STUM: variants seen among roughly 807,000 people sequenced by gnomAD.
The protein encoded by STUM is protein stum homolog.
STUM carries 8 observed loss-of-function variants against 15.3 expected under a neutral mutation model. The ratio of observed to expected loss-of-function variants is 0.52; its 90% CI spans 0.31 to 0.94. The LOEUF (loss-of-function observed/expected upper bound fraction) is 0.94. Ranked by LOEUF, STUM falls within the 40% of genes least tolerant of loss-of-function variation. The pLI is 0.05. For missense variants in STUM, 142 were observed against 204.9 expected (o/e 0.69, Z 1.87); for synonymous variants, 78 against 88.7 (o/e 0.88, Z 0.68).
At chr1:226,560,475 A>G (rs760992597) in intron 1 of STUM, among the ~76,000 whole-genome samples, 1 of 152,234 alleles carries the variant, frequency 6.6e-6, no homozygotes, top group Admixed American at 6.5e-5. Context: ...GATGATTGTC[A>G]TCTTCTATTT....
At chr1:226,573,532 C>G (rs1468274644) in intron 1 of STUM, among the ~76,000 whole-genome samples, 2 of 152,122 alleles carry the variant, frequency 1.3e-5, no homozygotes, top group Non-Finnish European at 2.9e-5. Flanking sequence ...GACTTCCATT[C>G]CTCTATATTG....
intron 1 of STUM, among the ~76,000 whole-genome samples, chr1:226,580,514 G>A (rs554860101): frequency 6.6e-6 from 1 of 152,126 alleles, no homozygotes; most frequent in South Asian, 2.1e-4. Context: ...GGAGGGCAGA[G>A]GGGGACAAGT....
intron 1 of STUM, among the ~76,000 whole-genome samples, chr1:226,569,102 G>C (rs1056042781): frequency 6.6e-6 from 1 of 151,450 alleles, no homozygotes; most frequent in Non-Finnish European, 1.5e-5. Flanking sequence ...TGGATCCAAC[G>C]GTATCACATG....
intron 1 of STUM, among the ~76,000 whole-genome samples, chr1:226,573,527 C>T (rs977810387): frequency 7.2e-5 from 11 of 152,146 alleles, no homozygotes; most frequent in Admixed American, 2.0e-4. Context: ...GGCCTGACTT[C>T]CATTCCTCTA....
At chr1:226,588,541 C>A (rs1668034675) in intron 1 of STUM, among the ~76,000 whole-genome samples, 1 of 152,232 alleles carries the variant, frequency 6.6e-6, no homozygotes, top group Non-Finnish European at 1.5e-5. Flanking sequence ...CAGGCCACAG[C>A]CATATAGGCC....
intron 1 of STUM, among the ~76,000 whole-genome samples, chr1:226,580,879 A>G (rs1428888297): frequency 6.6e-6 from 1 of 152,230 alleles, no homozygotes; most frequent in Non-Finnish European, 1.5e-5. Flanking sequence ...CCAGAAACAC[A>G]GTGGCTTAAA....
In STUM at chr1:226,606,945, A is replaced by G. The variant is rs1571819267; in HGVS notation, c.*4905A>G. On this transcript the variant is annotated 3_prime_UTR_variant, in exon 4 of 4. Coordinates refer to ENST00000366788, the MANE Select transcript of STUM (RefSeq NM_001003665.4). ...TCCTGTGCTTGGAAATGATGCCGTC[A>G]CCTCCACACTCCTGCTGTTCCAGCC... 1 of 152,358 alleles carries G rather than the reference A, an allele frequency of 6.6e-6. No individual in the cohort carries two copies. Among genetic ancestry groups the G allele is most frequent in the Admixed American group, 6.5e-5 (1 of 15,308 alleles). The allele number at this position is 152,358 out of a possible 1,614,324, so 9.4% of individuals were successfully genotyped here.
At chr1:226,593,101 A>G (rs1668116004) in intron 1 of STUM, among the ~76,000 whole-genome samples, 1 of 148,088 alleles carries the variant, frequency 6.8e-6, no homozygotes, top group Admixed American at 6.9e-5. Flanking sequence ...CAGGAGAATC[A>G]CTTGAACCTG....
chr1:226,571,343 G>C (rs895661116), intron 1 of STUM, among the ~76,000 whole-genome samples: 7 of 152,200 alleles, frequency 4.6e-5, no homozygotes, highest in Admixed American at 1.3e-4. Flanking sequence ...GGAGGGTCTA[G>C]GAAGTACCAT....
intron 1 of STUM, among the ~76,000 whole-genome samples, chr1:226,596,581 C>T (rs1045082444): frequency 6.6e-6 from 1 of 152,200 alleles, no homozygotes; most frequent in African/African-American, 2.4e-5. Context: ...CAGCCCCGTG[C>T]AATACCTCCT....
At chr1:226,580,321 G>A (rs2102701213) in intron 1 of STUM, among the ~76,000 whole-genome samples, 1 of 152,274 alleles carries the variant, frequency 6.6e-6, no homozygotes, top group African/African-American at 2.4e-5. Flanking sequence ...TATCCCAGAA[G>A]AGGTGTCAAG....
rs1173012172 is a variant in STUM, at chr1:226,548,945, C to T, written c.41C>T (p.Ala14Val). ...SHKDAETAAAAAAVAAADPRG... is the reference protein window; with the variant it reads ...SHKDAETAAAVAAVAAADPRG... ...AAAGACGCCGAGACGGCGGCGGCGG[C>T]GGCGGCGGTGGCGGCGGCGGACCCC... The change falls in exon 1 of 4, where the codon GCG (alanine) becomes GTG (valine). Residue 14 changes from alanine (A) to valine (V), a missense_variant. Transcript: ENST00000366788. 1.4e-6 allele frequency: 2 copies of T among 1,456,842 alleles called. No homozygotes were observed. Among genetic ancestry groups the T allele is most frequent in the African/African-American group, 1.5e-5 (1 of 67,082 alleles). The allele number at this position is 1,456,842 out of a possible 1,614,324, so 90.2% of individuals were successfully genotyped here.
At chr1:226,566,529 T>C (rs1233794629) in intron 1 of STUM, among the ~76,000 whole-genome samples, 1 of 152,138 alleles carries the variant, frequency 6.6e-6, no homozygotes, top group Non-Finnish European at 1.5e-5. Flanking sequence ...GATGAGAAAA[T>C]AGAAAGTAAT....
At chr1:226,556,749 A>G (rs988701810) in intron 1 of STUM, among the ~76,000 whole-genome samples, 1 of 152,212 alleles carries the variant, frequency 6.6e-6, no homozygotes, top group Non-Finnish European at 1.5e-5. Context: ...GGCATCTGAC[A>G]AAGTCATGAT....
intron 1 of STUM, among the ~76,000 whole-genome samples, chr1:226,553,303 T>C (rs182247273): frequency 2.8e-4 from 43 of 152,104 alleles, no homozygotes; most frequent in African/African-American, 8.2e-4. Flanking sequence ...ATTAGGACAC[T>C]GCAAAAAATT....
Position 226,600,351 on chromosome 1 carries a change from T to C in STUM, c.383-315T>C, listed in dbSNP as rs116013552. ...CAGCAGTGTGGGCATGGCCAGGATA[T>C]GGAGGGCTGGGGAGGCAGTGGACCA... On this transcript the variant is annotated intron_variant, in intron 2 of 3. Coordinates refer to ENST00000366788, the MANE Select transcript of STUM (RefSeq NM_001003665.4). This position sits in a 1 kb window ranked among gnomAD's most constrained non-coding sequence, Gnocchi z 5.2. Among the ~76,000 whole-genome samples the C allele has an allele frequency of 0.013, 1,916 of 152,276 alleles. 50 individuals carry two copies. Among genetic ancestry groups the C allele is most frequent in the South Asian group, 0.1 (487 of 4,822 alleles).
intron 1 of STUM, among the ~76,000 whole-genome samples, chr1:226,593,010 A>G (rs1668114206): frequency 6.6e-6 from 1 of 151,912 alleles, no homozygotes. Flanking sequence ...ACATGGGGAA[A>G]CCCCGTCTCG....
In STUM at chr1:226,549,147, C is replaced by A; in HGVS notation, c.202+41C>A. 6.6e-7 allele frequency: 1 copy of A among 1,523,692 alleles called. No individual in the cohort carries two copies. The highest frequency in any genetic ancestry group is 8.9e-7 in the Non-Finnish European group (1 of 1,124,638). The allele number at this position is 1,523,692 out of a possible 1,614,324, so 94.4% of individuals were successfully genotyped here. ...CGCGACCCTTGCGACCCCCACCCCG[C>A]CGCGGGAGGGCGTGGGGGGAGAGAA... is the stretch of plus-strand genomic sequence containing the variant. On this transcript the variant is annotated intron_variant, in intron 1 of 3. Transcript: ENST00000366788. The surrounding 1 kb of genome is among the most constrained non-coding windows in gnomAD (Gnocchi z 6.8).
chr1:226,560,001 T>C (rs1280268636), intron 1 of STUM, among the ~76,000 whole-genome samples: 1 of 149,244 alleles, frequency 6.7e-6, no homozygotes, highest in East Asian at 2.0e-4. Context: ...TAGCCAGGTA[T>C]GATGGCGGGC....
Sources: gnomAD v4.1 joint callset for allele counts (sites outside exome capture counted in the v4.1 genomes callset) on GRCh38, gnomAD v4.1.1 for gene constraint, Gnocchi (gnomAD v3.1) non-coding constraint, MANE v1.5 for transcripts, NCBI Gene and HGNC (gene_info 2026-07-23, HGNC 2026-07-21) for gene names.